ANO10: variants seen among roughly 807,000 people sequenced by gnomAD.
The protein encoded by ANO10 is anoctamin-10.
Under a neutral mutation model 74.7 loss-of-function variants are expected in ANO10, and 77 were observed. That is an observed-to-expected ratio of 1.03 (90% CI 0.86 to 1.25). The LOEUF (loss-of-function observed/expected upper bound fraction) is 1.25. ANO10 is among the 50% of genes most tolerant of loss of function. The probability of loss-of-function intolerance (pLI) is 0.00; values close to 1 mark genes in which losing one functional copy is unlikely to be tolerated. For missense variants in ANO10, 721 were observed against 778.1 expected (o/e 0.93, Z 0.87); for synonymous variants, 279 against 284.9 (o/e 0.98, Z 0.21).
rs373728852 is a variant in ANO10 at position 43,608,839 on chromosome 3, C to T, written c.-11-2976G>A. On this transcript the variant is annotated intron_variant, in intron 1 of 12. Transcript: ENST00000292246. ...CAAGCAGTTCTCCCTCCTCAGCTTC[C>T]CAAAGTGCTGGGATTGCAGGTGTGA... 1.1e-3 allele frequency among the ~76,000 whole-genome samples: 172 copies of T among 152,254 alleles called. 1 individual carries two copies. The highest frequency in any genetic ancestry group is 4.1e-3 in the African/African-American group (169 of 41,538).
At chr3:43,582,426 G>A (rs1009312368) in intron 4 of ANO10, among the ~76,000 whole-genome samples, 1 of 151,898 alleles carries the variant, frequency 6.6e-6, no homozygotes, top group Admixed American at 6.6e-5. Flanking sequence ...CAGCCTGGGT[G>A]ACAGAGCGAG....
At chr3:43,553,739 G>A (rs529246852) in intron 10 of ANO10, among the ~76,000 whole-genome samples, 72 of 152,242 alleles carry the variant, frequency 4.7e-4, no homozygotes, top group Middle Eastern at 3.4e-3. Flanking sequence ...GTTTCACCAC[G>A]TTGGCCAGGC....
At chr3:43,475,390 T>C (rs1322174731) in intron 11 of ANO10, among the ~76,000 whole-genome samples, 1 of 152,216 alleles carries the variant, frequency 6.6e-6, no homozygotes, top group Non-Finnish European at 1.5e-5. Context: ...CCTATAATTC[T>C]TTCCAGTCCT....
chr3:43,554,015 T>G (rs1055147406), intron 10 of ANO10, among the ~76,000 whole-genome samples: 2 of 152,190 alleles, frequency 1.3e-5, no homozygotes, highest in African/African-American at 2.4e-5. Context: ...TTCTGTTTTT[T>G]CATTTGTTTC....
intron 12 of ANO10, among the ~76,000 whole-genome samples, chr3:43,430,666 A>G (rs887842260): frequency 6.6e-6 from 1 of 152,080 alleles, no homozygotes; most frequent in Non-Finnish European, 1.5e-5. Context: ...CCCTAATTTA[A>G]AATGTATTTA....
chr3:43,423,501 G>C (rs954541107), intron 12 of ANO10, among the ~76,000 whole-genome samples: 2 of 152,162 alleles, frequency 1.3e-5, no homozygotes, highest in African/African-American at 4.8e-5. Flanking sequence ...AACTATAGTG[G>C]GGCAAATGAA....
At chr3:43,679,992 A>T (rs2084173057) in intron 1 of ANO10, among the ~76,000 whole-genome samples, 1 of 152,194 alleles carries the variant, frequency 6.6e-6, no homozygotes, top group Non-Finnish European at 1.5e-5. Context: ...GGGAAAAAAC[A>T]GAGAAGAAAA....
intron 1 of ANO10, among the ~76,000 whole-genome samples, chr3:43,684,606 A>T (rs1319012309): frequency 6.6e-6 from 1 of 152,204 alleles, no homozygotes; most frequent in African/African-American, 2.4e-5. Context: ...ATTATAAAAC[A>T]TGCTGCTGTA....
chr3:43,659,313 TGTGA>T (rs1336691748), intron 1 of ANO10, among the ~76,000 whole-genome samples: 2 of 152,068 alleles, frequency 1.3e-5, no homozygotes, highest in East Asian at 3.9e-4. Flanking sequence ...CAAGGGAAGC[TGTGA>T]GTGACTGTAC....
chr3:43,593,955 G>A (rs1250796791), intron 4 of ANO10, among the ~76,000 whole-genome samples: 1 of 152,138 alleles, frequency 6.6e-6, no homozygotes, highest in Non-Finnish European at 1.5e-5. Context: ...AGCAGGGGTT[G>A]CAATCCTAGT....
At chr3:43,461,827 G>A (rs950284559) in intron 11 of ANO10, among the ~76,000 whole-genome samples, 14 of 152,170 alleles carry the variant, frequency 9.2e-5, no homozygotes, top group Non-Finnish European at 2.1e-4. Context: ...AGAATGGGGC[G>A]CTGCTGAAAA....
At chr3:43,539,196 G>A (rs972670054) in intron 11 of ANO10, among the ~76,000 whole-genome samples, 5 of 151,926 alleles carry the variant, frequency 3.3e-5, no homozygotes, top group South Asian at 2.1e-4. Flanking sequence ...CTTTTTCAAC[G>A]GGTCCCCTGC....
intron 1 of ANO10, among the ~76,000 whole-genome samples, chr3:43,634,738 G>A (rs1030328380): frequency 1.3e-4 from 19 of 151,384 alleles, no homozygotes; most frequent in Middle Eastern, 3.4e-3. Flanking sequence ...CCCTCACTGA[G>A]CTCACACCTG....
At chr3:43,375,405 A>G (rs1341959523) in intron 12 of ANO10, among the ~76,000 whole-genome samples, 2 of 152,034 alleles carry the variant, frequency 1.3e-5, no homozygotes, top group African/African-American at 4.8e-5. Context: ...CCGAGAATGC[A>G]CCATTGCACT....
intron 4 of ANO10, among the ~76,000 whole-genome samples, chr3:43,590,911 A>C (rs2081709801): frequency 6.6e-6 from 1 of 152,144 alleles, no homozygotes; most frequent in African/African-American, 2.4e-5. Flanking sequence ...CTTGTAACTC[A>C]ACTCACACCC....
At chr3:43,452,984 T>C (rs533420822) in intron 11 of ANO10, among the ~76,000 whole-genome samples, 140 of 152,370 alleles carry the variant, frequency 9.2e-4, no homozygotes, top group Middle Eastern at 3.4e-3. Flanking sequence ...AAATCTTCTT[T>C]GTAGAAATGT....
At chr3:43,659,868 C>G (rs2083901418) in intron 1 of ANO10, among the ~76,000 whole-genome samples, 1 of 152,124 alleles carries the variant, frequency 6.6e-6, no homozygotes, top group African/African-American at 2.4e-5. Context: ...CCCTCTGGGA[C>G]AAAGCTTTAA....
chr3:43,398,678 A>T (rs1231932216), intron 12 of ANO10, among the ~76,000 whole-genome samples: 1 of 152,194 alleles, frequency 6.6e-6, no homozygotes, highest in Non-Finnish European at 1.5e-5. Flanking sequence ...TTACAATACT[A>T]ATTTGATCTT....
intron 11 of ANO10, among the ~76,000 whole-genome samples, chr3:43,478,049 T>G (rs114400205): frequency 0.024 from 3,683 of 152,274 alleles, 52 homozygotes; most frequent in Middle Eastern, 0.058. Context: ...TTTCATATAT[T>G]TACTCATTTA....
Sources: allele counts gnomAD v4.1 joint callset (sites outside exome capture counted in the v4.1 genomes callset), GRCh38; gene constraint gnomAD v4.1.1; transcripts MANE v1.5; gene names NCBI Gene and HGNC (gene_info 2026-07-23, HGNC 2026-07-21).